Variants in SEMA6D observed in about 807,000 individuals in gnomAD.
SEMA6D encodes semaphorin 6D.
SEMA6D carries 35 observed loss-of-function variants against 106.6 expected under a neutral mutation model. That is an observed-to-expected ratio of 0.33 (90% CI 0.25 to 0.44). The LOEUF (loss-of-function observed/expected upper bound fraction) is 0.44. SEMA6D is among the 20% of genes least tolerant of loss of function. The probability of loss-of-function intolerance (pLI) is 1.00; values close to 1 mark genes in which losing one functional copy is unlikely to be tolerated. For missense variants in SEMA6D, 1,185 were observed against 1,345.9 expected (o/e 0.88, Z 1.87); for synonymous variants, 499 against 487.7 (o/e 1.02, Z -0.31).
intron 1 of SEMA6D, among the ~76,000 whole-genome samples, chr15:47,735,497 C>T (rs2080392485): frequency 6.6e-6 from 1 of 152,194 alleles, no homozygotes; most frequent in African/African-American, 2.4e-5. Flanking sequence ...ACACAGACTT[C>T]AGATACACTT....
At chr15:47,541,448 G>A (rs549726674) in intron 3 of SEMA6D, among the ~76,000 whole-genome samples, 9 of 152,214 alleles carry the variant, frequency 5.9e-5, no homozygotes, top group East Asian at 1.9e-4. Flanking sequence ...GTGAGCCTCC[G>A]AAAAATTGCT....
At chr15:47,436,429 T>C (rs1447260785) in intron 2 of SEMA6D, among the ~76,000 whole-genome samples, 1 of 151,474 alleles carries the variant, frequency 6.6e-6, no homozygotes, top group Non-Finnish European at 1.5e-5. Flanking sequence ...GCTGTATTAA[T>C]GTGCTGAGAT....
chr15:47,757,727 G>C (rs951640047), intron 1 of SEMA6D, among the ~76,000 whole-genome samples: 12 of 152,134 alleles, frequency 7.9e-5, no homozygotes, highest in African/African-American at 2.9e-4. Context: ...GTAACTAGTT[G>C]TGAAAAATAA....
At chr15:47,305,642 T>G (rs929683605) in intron 1 of SEMA6D, among the ~76,000 whole-genome samples, 3 of 152,226 alleles carry the variant, frequency 2.0e-5, no homozygotes, top group Admixed American at 2.0e-4. Flanking sequence ...AAGGTAGTAT[T>G]TTTTTCTTCT....
intron 1 of SEMA6D, among the ~76,000 whole-genome samples, chr15:47,372,758 C>A (rs1229828635): frequency 6.6e-6 from 1 of 152,176 alleles, no homozygotes; most frequent in Non-Finnish European, 1.5e-5. Flanking sequence ...AAAACTCCAG[C>A]AACTCCCTCC....
chr15:47,609,630 A>G (rs1161068186), intron 4 of SEMA6D, among the ~76,000 whole-genome samples: 1 of 152,192 alleles, frequency 6.6e-6, no homozygotes, highest in African/African-American at 2.4e-5. Context: ...TTTCTGCACT[A>G]AAATAGCATA....
At chr15:47,521,502 T>C (rs2044575835) in intron 3 of SEMA6D, among the ~76,000 whole-genome samples, 1 of 152,210 alleles carries the variant, frequency 6.6e-6, no homozygotes, top group Admixed American at 6.5e-5. Flanking sequence ...ACATGGCAGG[T>C]ATTGAACAAA....
intron 3 of SEMA6D, among the ~76,000 whole-genome samples, chr15:47,580,121 CTGAG>C (rs2076230431): frequency 6.6e-6 from 1 of 152,146 alleles, no homozygotes; most frequent in Admixed American, 6.5e-5. Flanking sequence ...ATTCTGTTCT[CTGAG>C]TTAGTAGAGA....
intron 3 of SEMA6D, among the ~76,000 whole-genome samples, chr15:47,599,735 A>G (rs2117798): frequency 0.17 from 26,484 of 151,546 alleles, 2,656 homozygotes; most frequent in African/African-American, 0.26. Flanking sequence ...TTTTTCTTTT[A>G]TAAACCCAGT....
At chr15:47,767,119 T>C (rs761957270) in intron 17 of SEMA6D, 26 bp downstream of exon 17, 1 of 1,451,230 alleles carries the variant, frequency 6.9e-7, no homozygotes, top group Non-Finnish European at 9.5e-7. Context: ...TTTTTTTGAA[T>C]TAACAACCTT....
intron 3 of SEMA6D, among the ~76,000 whole-genome samples, chr15:47,556,961 G>C (rs945442755): frequency 2.6e-5 from 4 of 152,116 alleles, no homozygotes; most frequent in South Asian, 2.1e-4. Context: ...TCTCAGTCTT[G>C]AGTACCTCAT....
At chr15:47,766,080 T>G in intron 14 of SEMA6D, 25 bp from the exon 15 acceptor site, 1 of 1,613,356 alleles carries the variant, frequency 6.2e-7, no homozygotes, top group Non-Finnish European at 8.5e-7. Context: ...AAAATCCAAG[T>G]TACATTCTGT....
rs374802346 is a variant in SEMA6D, at chr15:47,762,985, G to T, written c.659-31G>T. On this transcript the variant is annotated intron_variant, in intron 8 of 18. Transcript: ENST00000536845. ...CTTATGCTAATTGAATTATCCTTTA[G>T]GAACCAGTTTGTTTTTAATTTTTCT... 1.7e-5 allele frequency: 26 copies of T among 1,539,560 alleles called. No individual in the cohort carries two copies. In the African/African-American group the frequency reaches 3.6e-4, roughly 21 times the overall value.
At chr15:47,330,744 G>A (rs762324126) in intron 1 of SEMA6D, among the ~76,000 whole-genome samples, 9 of 152,182 alleles carry the variant, frequency 5.9e-5, no homozygotes, top group Admixed American at 2.0e-4. Context: ...GATCTCAGAG[G>A]TAGCCATGAT....
At chr15:47,664,107 AAC>A (rs1168868678) in intron 4 of SEMA6D, among the ~76,000 whole-genome samples, 1 of 152,236 alleles carries the variant, frequency 6.6e-6, no homozygotes, top group Non-Finnish European at 1.5e-5. Flanking sequence ...CTCAAAGCAA[AAC>A]AGTTTTCATC....
intron 2 of SEMA6D, among the ~76,000 whole-genome samples, chr15:47,451,973 C>T (rs1049422170): frequency 1.3e-5 from 2 of 151,978 alleles, no homozygotes; most frequent in Non-Finnish European, 2.9e-5. Flanking sequence ...TTGCTGTTCA[C>T]TCCAGTTCCC....
At position 47,761,759 on chromosome 15, in the gene SEMA6D, C is replaced by A; in HGVS notation, c.538+8C>A. 5 of 1,596,852 alleles carry A rather than the reference C, an allele frequency of 3.1e-6. No homozygotes were observed. The highest frequency in any genetic ancestry group is 4.3e-6 in the Non-Finnish European group (5 of 1,169,054). ...ATGTTGCCCTCTTTGCTGGTAAGAT[C>A]CTTTAGCGTAATGAATATAAATGAT... On this transcript the variant is annotated splice_region_variant and intron_variant, in intron 7 of 18. Transcript: ENST00000536845.
chr15:47,359,352 A>G (rs915234141), intron 1 of SEMA6D: 1 of 152,180 alleles, frequency 6.6e-6, no homozygotes, highest in Non-Finnish European at 1.5e-5. Context: ...CTTAACCATA[A>G]TAATAATTTC....
intron 2 of SEMA6D, among the ~76,000 whole-genome samples, chr15:47,431,197 G>A (rs1416189549): frequency 6.6e-6 from 1 of 152,060 alleles, no homozygotes; most frequent in African/African-American, 2.4e-5. Flanking sequence ...ATATAATAAT[G>A]TGAGTCTTAA....
Sources: gnomAD v4.1 joint callset for allele counts (sites outside exome capture counted in the v4.1 genomes callset) on GRCh38, gnomAD v4.1.1 for gene constraint, MANE v1.5 for transcripts, NCBI Gene and HGNC (gene_info 2026-07-23, HGNC 2026-07-21) for gene names.